Variants in GMPS observed in about 807,000 individuals in gnomAD.
GMPS encodes guanosine monophosphate synthase, also known as GMP synthase [glutamine-hydrolyzing].
Under a neutral mutation model 77.9 loss-of-function variants are expected in GMPS, and 15 were observed. The observed-to-expected ratio is 0.19, with a 90% confidence interval of 0.13 to 0.30. The LOEUF is 0.30. Among genes scored for constraint, GMPS ranks in the 10% least tolerant of loss-of-function variants. The probability of loss-of-function intolerance (pLI) is 1.00; values close to 1 mark genes in which losing one functional copy is unlikely to be tolerated. For missense variants in GMPS, 590 were observed against 838.8 expected, an observed-to-expected ratio of 0.70 and a Z score of 3.66; for synonymous variants, 224 against 275.9, an observed-to-expected ratio of 0.81 and a Z score of 1.86.
At position 155,942,932 on chromosome 3, in the gene GMPS, C is replaced by A; in HGVS notation, c.*5240C>A. The A allele has an allele frequency of 5.2e-6, 1 of 192,102 alleles. No homozygotes were observed. The highest frequency in any genetic ancestry group is 1.1e-5 in the Non-Finnish European group (1 of 91,888). The allele number at this position is 192,102 out of a possible 1,614,324, so 11.9% of individuals were successfully genotyped here. On this transcript the variant is annotated 3_prime_UTR_variant, in exon 16 of 16. Coordinates refer to ENST00000496455, the MANE Select transcript of GMPS (RefSeq NM_003875.3). Reference sequence around the variant, plus strand: ...ATTTGAGCAGCACCATCTTAATTGGCTCATTAACATATTTGTGACCAGGCA... The same window carrying A: ...ATTTGAGCAGCACCATCTTAATTGGATCATTAACATATTTGTGACCAGGCA...
intron 1 of GMPS, among the ~76,000 whole-genome samples, chr3:155,878,733 C>T (rs1307458095): frequency 2.6e-5 from 4 of 152,144 alleles, no homozygotes; most frequent in African/African-American, 7.2e-5. Flanking sequence ...GGGGAATTGG[C>T]TGACGCGATT....
intron 1 of GMPS, among the ~76,000 whole-genome samples, chr3:155,880,430 T>C (rs1392573607): frequency 6.6e-6 from 1 of 152,204 alleles, no homozygotes; most frequent in African/African-American, 2.4e-5. Flanking sequence ...TTTGTATCTT[T>C]AGTGTCAGTT....
rs1755857686 is a variant in GMPS at position 155,940,295 on chromosome 3, T to G, written c.*2603T>G. On this transcript the variant is annotated 3_prime_UTR_variant, in exon 16 of 16. Transcript: ENST00000496455. Reference sequence around the variant, plus strand: ...AGTCCTGCCTTAAAGGCCACATCTATGATCATCAGCTCTGTTAGAAATAAC... The same window carrying G: ...AGTCCTGCCTTAAAGGCCACATCTAGGATCATCAGCTCTGTTAGAAATAAC... 1 of 202,946 alleles carries G rather than the reference T, an allele frequency of 4.9e-6. No individual in the cohort carries two copies. The highest frequency in any genetic ancestry group is 1.9e-4 in the South Asian group (1 of 5,276). The allele number at this position is 202,946 out of a possible 1,614,324, so 12.6% of individuals were successfully genotyped here. A position where few individuals can be genotyped will look rare whatever the true frequency, so the allele number is the denominator to read the frequency against.
At chr3:155,899,936 T>C (rs1187014173) in intron 3 of GMPS, among the ~76,000 whole-genome samples, 1 of 152,200 alleles carries the variant, frequency 6.6e-6, no homozygotes, top group African/African-American at 2.4e-5. Context: ...TAATTTCTTT[T>C]TAGCACTGAA....
intron 13 of GMPS, among the ~76,000 whole-genome samples, chr3:155,932,351 A>C (rs1362492137): frequency 1.3e-5 from 2 of 152,036 alleles, no homozygotes; most frequent in African/African-American, 4.8e-5. Context: ...CCAAACAAAA[A>C]TGGAGACTTG....
rs767987893 is a variant in GMPS, at chr3:155,870,830, G to C, written c.-41G>C. 1.0e-5 allele frequency: 14 copies of C among 1,384,542 alleles called. No individual in the cohort carries two copies. The South Asian group carries it at 1.7e-4, about 16-fold the overall frequency. 85.8% of individuals were successfully genotyped at this position (1,384,542 alleles called of 1,614,324 possible). On this transcript the variant is annotated 5_prime_UTR_variant, in exon 1 of 16. Transcript: ENST00000496455. ...TTCCGGCACCCTCCCGCCCCGTCTC[G>C]TACTGTCGCCGTCACCGCCGCGGCT...
At position 155,940,170 on chromosome 3, in the gene GMPS, T is replaced by G. The variant is rs1755854846; in HGVS notation, c.*2478T>G. 5.0e-6 allele frequency: 1 copy of G among 200,190 alleles called. No homozygotes were observed. The highest frequency in any genetic ancestry group is 1.9e-4 in the South Asian group (1 of 5,248). 12.4% of individuals were successfully genotyped at this position (200,190 alleles called of 1,614,324 possible). On this transcript the variant is annotated 3_prime_UTR_variant, in exon 16 of 16. Coordinates refer to ENST00000496455, the MANE Select transcript of GMPS (RefSeq NM_003875.3). ...TCTCTTTGATTAAATATATTCTTTT[T>G]CTTTGTACTTTTTAGGTAGACAGAG...
intron 11 of GMPS, 34 bp from the exon 12 acceptor site, chr3:155,925,207 A>T (rs760329320): frequency 6.3e-7 from 1 of 1,586,012 alleles, no homozygotes; most frequent in Non-Finnish European, 8.6e-7. Context: ...CTTATTTCTT[A>T]AAACTGAAAA....
intron 12 of GMPS, among the ~76,000 whole-genome samples, chr3:155,930,548 G>T (rs1345326432): frequency 2.0e-5 from 3 of 151,820 alleles, no homozygotes; most frequent in Non-Finnish European, 4.4e-5. Flanking sequence ...CACAGCAAAA[G>T]AAACTACCAT....
Position 155,882,696 on chromosome 3 carries a change from A to C in GMPS, c.28-10822A>C, listed in dbSNP as rs191415445. Among the ~76,000 whole-genome samples, 441 of 152,366 alleles carry C rather than the reference A, an allele frequency of 2.9e-3. 1 individual carries two copies. Among genetic ancestry groups the C allele is most frequent in the Non-Finnish European group, 5.1e-3 (346 of 68,034 alleles). On this transcript the variant is annotated intron_variant, in intron 1 of 15. Coordinates refer to ENST00000496455, the MANE Select transcript of GMPS (RefSeq NM_003875.3). ...TTTTATTATAGATGCAACAGAAATA[A>C]AATTACTTTGTCAACTTGTTATGCA...
chr3:155,935,926 A>C, intron 14 of GMPS, among the ~76,000 whole-genome samples: 1 of 152,256 alleles, frequency 6.6e-6, no homozygotes, highest in Non-Finnish European at 1.5e-5. Context: ...TCAGAAACAC[A>C]TAAAACAAGG....
chr3:155,903,525 C>G (rs770547638), intron 3 of GMPS, among the ~76,000 whole-genome samples: 4 of 152,156 alleles, frequency 2.6e-5, no homozygotes, highest in Non-Finnish European at 4.4e-5. Flanking sequence ...TTTTAAAATG[C>G]TTTTAAATCA....
chr3:155,921,630 T>G (rs1441041310), intron 10 of GMPS, among the ~76,000 whole-genome samples: 1 of 152,014 alleles, frequency 6.6e-6, no homozygotes. Context: ...AACCCCTATC[T>G]TTACTGAAAA....
intron 5 of GMPS, among the ~76,000 whole-genome samples, chr3:155,906,575 G>A (rs749606006): frequency 6.6e-6 from 1 of 152,056 alleles, no homozygotes; most frequent in African/African-American, 2.4e-5. Flanking sequence ...TTGAGAACTC[G>A]CTGTCTTCAT....
In GMPS at chr3:155,925,139, C is replaced by T. The variant is rs186998371; in HGVS notation, c.1435-102C>T. 173 of 993,936 alleles carry T rather than the reference C, an allele frequency of 1.7e-4. No homozygotes were observed. In the African/African-American group the frequency reaches 2.6e-3, roughly 15 times the overall value. 61.6% of individuals were successfully genotyped at this position (993,936 alleles called of 1,614,324 possible). A position where few individuals can be genotyped will look rare whatever the true frequency, so the allele number is the denominator to read the frequency against. On this transcript the variant is annotated intron_variant, in intron 11 of 15. Coordinates refer to ENST00000496455, the MANE Select transcript of GMPS (RefSeq NM_003875.3). ...ACTCAAGGAGATACCAAATACAATC[C>T]ACTGCTAAAAACCAGTAAAATACAT... is the stretch of plus-strand genomic sequence containing the variant.
chr3:155,899,413 G>A (rs1259718238), intron 3 of GMPS, among the ~76,000 whole-genome samples: 1 of 146,990 alleles, frequency 6.8e-6, no homozygotes. Flanking sequence ...GAGATCTTGA[G>A]ATAAGATACT....
intron 7 of GMPS, among the ~76,000 whole-genome samples, chr3:155,914,015 C>T (rs139378349): frequency 0.022 from 3,274 of 152,110 alleles, 137 homozygotes; most frequent in African/African-American, 0.074. Flanking sequence ...GGCACAATCT[C>T]TGCTCACTGC....
At chr3:155,895,600 C>T (rs1754583649) in intron 2 of GMPS, 1 of 152,176 alleles carries the variant, frequency 6.6e-6, no homozygotes, top group South Asian at 2.1e-4. Context: ...CTTGAGCCAC[C>T]CCTCGCGGCC....
At chr3:155,880,516 A>G (rs892203281) in intron 1 of GMPS, among the ~76,000 whole-genome samples, 1 of 152,254 alleles carries the variant, frequency 6.6e-6, no homozygotes, top group Non-Finnish European at 1.5e-5. Context: ...GGTAAAATGT[A>G]CATGCAGTGA....
Sources: allele counts gnomAD v4.1 joint callset (sites outside exome capture counted in the v4.1 genomes callset), GRCh38; gene constraint gnomAD v4.1.1; transcripts MANE v1.5; gene names NCBI Gene and HGNC (gene_info 2026-07-23, HGNC 2026-07-21).